Variants in ZNF76 observed in about 807,000 individuals in gnomAD.
The protein encoded by ZNF76 is zinc finger protein 523.
A neutral mutation model predicts 66.9 loss-of-function variants in ZNF76; 66 were observed. That is an observed-to-expected ratio of 0.99 (90% CI 0.81 to 1.21). ZNF76 has a LOEUF of 1.21. Ranked by LOEUF, ZNF76 falls within the 50% of genes most tolerant of loss-of-function variation. The probability of loss-of-function intolerance (pLI) is 0.00; values close to 1 mark genes in which losing one functional copy is unlikely to be tolerated. For synonymous variants in ZNF76, 275 were observed against 296.1 expected (o/e 0.93, Z 0.73); for missense variants, 729 against 760.3 (o/e 0.96, Z 0.48).
In ZNF76 at chr6:35,287,813, G is replaced by T. The variant is rs141811881; in HGVS notation, c.400G>T (p.Ala134Ser). Residue 134 changes from alanine (A) to serine (S), a missense_variant, in exon 5 of 14, where the codon GCA (alanine) becomes TCA (serine). Transcript: ENST00000373953. The surrounding 1 kb of genome is among the most constrained non-coding windows in gnomAD (Gnocchi z 4.0). ...AEDDEGFSAD[A>S]VVALEQYASK... The stretch of plus-strand genomic sequence containing the variant: ...GGATGATGAGGGCTTCAGTGCAGAC[G>T]CAGTGGTGGCCCTGGAGCAGTATGC... 1.1e-5 allele frequency: 17 copies of T among 1,607,876 alleles called. No homozygotes were observed. In the East Asian group the frequency reaches 3.2e-4, roughly 30 times the overall value.
At chr6:35,281,315 C>G in intron 2 of ZNF76, 91 bp downstream of exon 2, 1 of 1,237,210 alleles carries the variant, frequency 8.1e-7, no homozygotes, top group African/African-American at 1.5e-5. Flanking sequence ...ATCACCTTGC[C>G]CTCCCGCCTG....
rs140819346 is a variant in ZNF76, at chr6:35,293,765, G to A, written c.1344G>A (p.Pro448=). 588 of 1,613,752 alleles carry A rather than the reference G, an allele frequency of 3.6e-4. No homozygotes were observed. Among genetic ancestry groups the A allele is most frequent in the Non-Finnish European group, 4.6e-4 (544 of 1,179,946 alleles). The change falls in exon 12 of 14, where the codon CCG becomes CCA. Residue 448 remains proline, a synonymous_variant. Transcript: ENST00000373953. ...QDGAQQVSLS[P]EDLQALGSAI... ...CCTGTTGGCAGGTCAGCCTGTCCCC[G>A]GAAGACCTGCAGGCCCTGGGGAGTG...
intron 1 of ZNF76, among the ~76,000 whole-genome samples, chr6:35,271,183 A>G (rs1787000933): frequency 6.6e-6 from 1 of 152,174 alleles, no homozygotes; most frequent in African/African-American, 2.4e-5. Flanking sequence ...GACATGTGCC[A>G]TTTTCACGCA....
chr6:35,269,004 G>C (rs897036855), intron 1 of ZNF76, among the ~76,000 whole-genome samples: 2 of 152,046 alleles, frequency 1.3e-5, no homozygotes, highest in Non-Finnish European at 2.9e-5. Flanking sequence ...AGGCCAGCCG[G>C]GTGTGGTGGC....
intron 1 of ZNF76, among the ~76,000 whole-genome samples, chr6:35,271,579 A>T (rs1446553307): frequency 6.6e-6 from 1 of 152,032 alleles, no homozygotes; most frequent in Non-Finnish European, 1.5e-5. Flanking sequence ...CTGAGGCAGG[A>T]GAATCACTTG....
intron 1 of ZNF76, among the ~76,000 whole-genome samples, chr6:35,265,899 C>T (rs933066525): frequency 6.6e-6 from 1 of 152,154 alleles, no homozygotes; most frequent in South Asian, 2.1e-4. Flanking sequence ...AGATAAATAA[C>T]ATGGCCTGAC....
At chr6:35,269,974 A>G (rs963165351) in intron 1 of ZNF76, among the ~76,000 whole-genome samples, 1 of 152,208 alleles carries the variant, frequency 6.6e-6, no homozygotes, top group Admixed American at 6.5e-5. Context: ...GTAGATCAGT[A>G]ACATGGAATC....
chr6:35,290,855 C>T (rs1790279043), intron 7 of ZNF76, 139 bp downstream of exon 7: 1 of 804,122 alleles, frequency 1.2e-6, no homozygotes, highest in African/African-American at 1.7e-5. Flanking sequence ...AGGGTGCTCT[C>T]TCTGGAGGAA....
chr6:35,282,494 T>C (rs1788926044), intron 2 of ZNF76, among the ~76,000 whole-genome samples: 1 of 152,150 alleles, frequency 6.6e-6, no homozygotes. Flanking sequence ...GAATAAAGTG[T>C]TTAGGGCAAG....
intron 6 of ZNF76, 77 bp downstream of exon 6, chr6:35,290,459 G>A: frequency 1.9e-6 from 3 of 1,589,052 alleles, no homozygotes; most frequent in African/African-American, 1.3e-5. Context: ...TGCTTTGATT[G>A]GAATTGGTCC....
intron 1 of ZNF76, among the ~76,000 whole-genome samples, chr6:35,277,378 C>T (rs80177001): frequency 0.013 from 1,953 of 152,286 alleles, 14 homozygotes; most frequent in African/African-American, 0.023. Context: ...CTGATGACAG[C>T]CTTGGATTTC....
At chr6:35,293,637 A>G (rs1790758439) in intron 11 of ZNF76, 114 bp from the exon 12 acceptor site, 5 of 1,302,478 alleles carry the variant, frequency 3.8e-6, no homozygotes, top group Non-Finnish European at 4.3e-6. Flanking sequence ...TTCCACCACT[A>G]TGACATGAAA....
chr6:35,295,409 G>A lies in ZNF76; in HGVS notation c.*161G>A. 1 of 698,090 alleles carries A rather than the reference G, an allele frequency of 1.4e-6. No homozygotes were observed. Among genetic ancestry groups the A allele is most frequent in the Non-Finnish European group, 2.6e-6 (1 of 388,380 alleles). 43.2% of individuals were successfully genotyped at this position (698,090 alleles called of 1,614,324 possible). A position where few individuals can be genotyped will look rare whatever the true frequency, so the allele number is the denominator to read the frequency against. ...AAACTGCCTAACTGAAGGGAATGGG[G>A]GCCCTGCTCAAGAAGGGGGCCAGGC... On this transcript the variant is annotated 3_prime_UTR_variant, in exon 14 of 14. Transcript: ENST00000373953.
In ZNF76 at chr6:35,292,942, G is replaced by A. The variant is rs1489993193; in HGVS notation, c.1227G>A (p.Glu409=). Residue 409 remains glutamate, a synonymous_variant, in exon 11 of 14, where the codon GAG becomes GAA. Transcript: ENST00000373953. The surrounding 1 kb of genome is among the most constrained non-coding windows in gnomAD (Gnocchi z 4.7). ...GACCCCGGATAGCTTACCTTTCGGA[G>A]GTGAAGGAAGAGAGAGATGACATCC... is the stretch of plus-strand genomic sequence containing the variant. The part of the protein sequence containing the change: ...PKRPRIAYLS[E]VKEERDDIPA... 1 of 1,614,232 alleles carries A rather than the reference G, an allele frequency of 6.2e-7. No homozygotes were observed. Among genetic ancestry groups the A allele is most frequent in the African/African-American group, 1.3e-5 (1 of 75,070 alleles).
chr6:35,295,372 A>G lies in ZNF76; in HGVS notation c.*124A>G. 1.2e-6 allele frequency: 1 copy of G among 824,780 alleles called. No homozygotes were observed. Among genetic ancestry groups the G allele is most frequent in the Non-Finnish European group, 2.0e-6 (1 of 498,578 alleles). The allele number at this position is 824,780 out of a possible 1,614,324, so 51.1% of individuals were successfully genotyped here. A position where few individuals can be genotyped will look rare whatever the true frequency, so the allele number is the denominator to read the frequency against. ...TGGCCACATAGGTCTCTGGGGTGAG[A>G]AGACAGCAAGAAAACTGCCTAACTG... On this transcript the variant is annotated 3_prime_UTR_variant, in exon 14 of 14. Coordinates refer to ENST00000373953, the MANE Select transcript of ZNF76 (RefSeq NM_003427.5).
Position 35,286,312 on chromosome 6 carries a change from C to T in ZNF76, c.155-10C>T, listed in dbSNP as rs374969135. ...GCTCCAGGGAAAGGCAGGCATTGCT[C>T]TCGTTACAGAAGCTCTCTCCTTTGA... On this transcript the variant is annotated splice_polypyrimidine_tract_variant and intron_variant, in intron 3 of 13. Coordinates refer to ENST00000373953, the MANE Select transcript of ZNF76 (RefSeq NM_003427.5). The T allele has an allele frequency of 1.2e-6, 2 of 1,614,184 alleles. No homozygotes were observed. The highest frequency in any genetic ancestry group is 1.7e-6 in the Non-Finnish European group (2 of 1,180,022).
intron 1 of ZNF76, among the ~76,000 whole-genome samples, chr6:35,272,501 G>GTGTT (rs1759506128): frequency 1.3e-5 from 1 of 77,352 alleles, no homozygotes; most frequent in African/African-American, 3.6e-5. Flanking sequence ...GTGTGTGTGT[G>GTGTT]TGTGTGTGTG....
At chr6:35,281,024 A>G (rs1293898695) in intron 1 of ZNF76, 32 bp from the exon 2 acceptor site, 4 of 888,898 alleles carry the variant, frequency 4.5e-6, no homozygotes, top group Non-Finnish European at 7.4e-6. Flanking sequence ...AAAGCTGGTT[A>G]ACTCATAATG....
intron 5 of ZNF76, among the ~76,000 whole-genome samples, chr6:35,289,398 C>G (rs1325030873): frequency 6.6e-6 from 1 of 152,206 alleles, no homozygotes; most frequent in Non-Finnish European, 1.5e-5. Context: ...GAGCTGGAGC[C>G]TAACTAGACA....
Sources: allele counts gnomAD v4.1 joint callset (sites outside exome capture counted in the v4.1 genomes callset), GRCh38; gene constraint gnomAD v4.1.1; non-coding constraint Gnocchi (gnomAD v3.1); transcripts MANE v1.5; gene names NCBI Gene and HGNC (gene_info 2026-07-23, HGNC 2026-07-21).